Variants in KIRREL3 observed in about 807,000 individuals in gnomAD.
KIRREL3 encodes kirre like nephrin family adhesion molecule 3.
A neutral mutation model predicts 89.7 loss-of-function variants in KIRREL3; 36 were observed. The ratio of observed to expected loss-of-function variants is 0.40; its 90% CI spans 0.31 to 0.53. The LOEUF (loss-of-function observed/expected upper bound fraction) is 0.53. KIRREL3 is among the 20% of genes least tolerant of loss of function. The probability of loss-of-function intolerance (pLI) is 0.49; values close to 1 mark genes in which losing one functional copy is unlikely to be tolerated. For synonymous variants in KIRREL3, 445 were observed against 441.4 expected, an observed-to-expected ratio of 1.01 and a Z score of -0.10; for missense variants, 864 against 1,056.6, an observed-to-expected ratio of 0.82 and a Z score of 2.53.
At chr11:126,925,355 G>T (rs1947668422) in intron 1 of KIRREL3, among the ~76,000 whole-genome samples, 1 of 152,216 alleles carries the variant, frequency 6.6e-6, no homozygotes. Context: ...GCCTGTGGTG[G>T]CGGGGGGAGC....
rs1358697021 is a variant in KIRREL3, at chr11:126,495,136, G to T, written c.434-21670C>A. ...CCAAGGTCTGTTGCTCGGACCCTGG[G>T]CTGTGCTGTGTGTGGGGAAGGACTA... On this transcript the variant is annotated intron_variant, in intron 4 of 16. Transcript: ENST00000525144. This position sits in a 1 kb window ranked among gnomAD's most constrained non-coding sequence, Gnocchi z 6.5. 6.6e-6 allele frequency among the ~76,000 whole-genome samples: 1 copy of T among 152,212 alleles called. No homozygotes were observed.
At chr11:126,449,454 G>C (rs1341424102) in intron 7 of KIRREL3, among the ~76,000 whole-genome samples, 1 of 152,208 alleles carries the variant, frequency 6.6e-6, no homozygotes, top group African/African-American at 2.4e-5. Flanking sequence ...TACTCGGCTG[G>C]TCAGCCCATC....
chr11:126,950,888 G>C (rs1232668224), intron 1 of KIRREL3, among the ~76,000 whole-genome samples: 2 of 152,176 alleles, frequency 1.3e-5, no homozygotes, highest in Non-Finnish European at 2.9e-5. Context: ...CCAAATAAAG[G>C]GGAGTTTCTA....
chr11:126,960,819 A>T (rs558593934), intron 1 of KIRREL3, among the ~76,000 whole-genome samples: 1 of 152,170 alleles, frequency 6.6e-6, no homozygotes, highest in Non-Finnish European at 1.5e-5. Flanking sequence ...TACAGCTTGA[A>T]GGTTTGTGGC....
rs1425863110 is a variant in KIRREL3, at chr11:126,594,831, G to A, written c.56-31919C>T. ...GCCTCAGCGATGGAACCTGCATTTG[G>A]GAGCTGCTCGATCTTTTCTGTTAGC... is the stretch of plus-strand genomic sequence containing the variant. On this transcript the variant is annotated intron_variant, in intron 1 of 16. Transcript: ENST00000525144. This position sits in a 1 kb window ranked among gnomAD's most constrained non-coding sequence, Gnocchi z 5.0. Among the ~76,000 whole-genome samples the A allele has an allele frequency of 6.6e-6, 1 of 152,234 alleles. No individual in the cohort carries two copies. Among genetic ancestry groups the A allele is most frequent in the African/African-American group, 2.4e-5 (1 of 41,458 alleles).
rs943408738 is a variant in KIRREL3 at position 126,917,195 on chromosome 11, C to G, written c.55+83260G>C. ...AAATATTATGCTAAATCAAATGAACCAGACACAGAAGGATATATATTGTAC... is the reference window on the plus strand; with the variant it reads ...AAATATTATGCTAAATCAAATGAACGAGACACAGAAGGATATATATTGTAC... On this transcript the variant is annotated intron_variant, in intron 1 of 16. Transcript: ENST00000525144. The surrounding 1 kb of genome is among the most constrained non-coding windows in gnomAD (Gnocchi z 5.0). Among the ~76,000 whole-genome samples the G allele has an allele frequency of 6.6e-6, 1 of 152,026 alleles. No individual in the cohort carries two copies. The highest frequency in any genetic ancestry group is 6.5e-5 in the Admixed American group (1 of 15,268).
rs146280329 is a variant in KIRREL3, at chr11:126,995,477, C to T, written c.55+4978G>A. ...CACTGTTTTTCACCTAAGGTCATCT[C>T]GACAATTTACAAGGATAAGGATTGT... is the stretch of plus-strand genomic sequence containing the variant. On this transcript the variant is annotated intron_variant, in intron 1 of 16. Transcript: ENST00000525144. The surrounding 1 kb of genome is among the most constrained non-coding windows in gnomAD (Gnocchi z 6.5). 2.7e-3 allele frequency: 999 copies of T among 374,564 alleles called. 2 individuals are homozygous for T. Among genetic ancestry groups the T allele is most frequent in the Non-Finnish European group, 4.2e-3 (795 of 190,928 alleles). The allele number at this position is 374,564 out of a possible 1,614,324, so 23.2% of individuals were successfully genotyped here.
In KIRREL3 at chr11:126,752,196, C is replaced by T. The variant is rs1163702060; in HGVS notation, c.56-189284G>A. 2.0e-5 allele frequency among the ~76,000 whole-genome samples: 3 copies of T among 146,576 alleles called. No homozygotes were observed. The East Asian group carries it at 5.9e-4, about 29-fold the overall frequency. ...TATTGAAAGGATTTCCCAGGCTCAG[C>T]GTGGGTTGGTTGGGGGGGTTTCTTG... On this transcript the variant is annotated intron_variant, in intron 1 of 16. Coordinates refer to ENST00000525144, the MANE Select transcript of KIRREL3 (RefSeq NM_032531.4). This position sits in a 1 kb window ranked among gnomAD's most constrained non-coding sequence, Gnocchi z 4.8.
At position 126,522,496 on chromosome 11, in the gene KIRREL3, A is replaced by C. The variant is rs1233823728; in HGVS notation, c.284-1032T>G. Among the ~76,000 whole-genome samples, 1 of 152,166 alleles carries C rather than the reference A, an allele frequency of 6.6e-6. No individual in the cohort carries two copies. Among genetic ancestry groups the C allele is most frequent in the Non-Finnish European group, 1.5e-5 (1 of 68,024 alleles). ...CCAGGTCCTGGTGACGCACTTATGAAGTGCTCAGGACGCTTAAGAATTGGG... is the reference window on the plus strand; with the variant it reads ...CCAGGTCCTGGTGACGCACTTATGACGTGCTCAGGACGCTTAAGAATTGGG... On this transcript the variant is annotated intron_variant, in intron 3 of 16. Coordinates refer to ENST00000525144, the MANE Select transcript of KIRREL3 (RefSeq NM_032531.4). The surrounding 1 kb of genome is among the most constrained non-coding windows in gnomAD (Gnocchi z 6.0).
intron 1 of KIRREL3, among the ~76,000 whole-genome samples, chr11:126,842,215 C>T (rs1943986236): frequency 6.6e-6 from 1 of 152,206 alleles, no homozygotes; most frequent in Admixed American, 6.5e-5. Context: ...CTCAGGACAA[C>T]AGACAGAGAC....
chr11:126,844,453 C>T lies in KIRREL3; in HGVS notation c.55+156002G>A, dbSNP rs1344233528. On this transcript the variant is annotated intron_variant, in intron 1 of 16. Transcript: ENST00000525144. The surrounding 1 kb of genome is among the most constrained non-coding windows in gnomAD (Gnocchi z 4.8). ...CCAACCCAAAGGAAATAGACTGCAG[C>T]ACTGATTGGCAGATTTTGGGTAGGT... 6.6e-6 allele frequency among the ~76,000 whole-genome samples: 1 copy of T among 152,122 alleles called. No homozygotes were observed. The highest frequency in any genetic ancestry group is 1.9e-4 in the East Asian group (1 of 5,176).
At chr11:126,450,130 C>T (rs1351016147) in intron 7 of KIRREL3, among the ~76,000 whole-genome samples, 3 of 150,580 alleles carry the variant, frequency 2.0e-5, no homozygotes, top group Admixed American at 6.6e-5. Context: ...CGGAGCCTCA[C>T]AGGGGTGTAT....
At position 126,455,632 on chromosome 11, in the gene KIRREL3, C is replaced by A. The variant is rs1277060712; in HGVS notation, c.848+717G>T. 3.6e-4 allele frequency among the ~76,000 whole-genome samples: 51 copies of A among 142,980 alleles called. No homozygotes were observed. The highest frequency in any genetic ancestry group is 9.7e-4 in the African/African-American group (37 of 38,336). 93.8% of individuals were successfully genotyped at this position (142,980 alleles called of 152,430 possible). A position where few individuals can be genotyped will look rare whatever the true frequency, so the allele number is the denominator to read the frequency against. On this transcript the variant is annotated intron_variant, in intron 7 of 16. Coordinates refer to ENST00000525144, the MANE Select transcript of KIRREL3 (RefSeq NM_032531.4). This position sits in a 1 kb window ranked among gnomAD's most constrained non-coding sequence, Gnocchi z 6.4. ...TGAAACGCTGTCTCTACTAAAAATACAAAAAAAAAAAAAAATTAGCTGGCG... is the reference window on the plus strand; with the variant it reads ...TGAAACGCTGTCTCTACTAAAAATAAAAAAAAAAAAAAAAATTAGCTGGCG...
At position 126,566,352 on chromosome 11, in the gene KIRREL3, G is replaced by T. The variant is rs1347998406; in HGVS notation, c.56-3440C>A. On this transcript the variant is annotated intron_variant, in intron 1 of 16. Coordinates refer to ENST00000525144, the MANE Select transcript of KIRREL3 (RefSeq NM_032531.4). This position sits in a 1 kb window ranked among gnomAD's most constrained non-coding sequence, Gnocchi z 4.9. ...CACCCTTGGGAACTCCTGGCCTCTG[G>T]ACTCTGAGCAACTGAAGTGTCAGGA... Among the ~76,000 whole-genome samples, 1 of 152,178 alleles carries T rather than the reference G, an allele frequency of 6.6e-6. No individual in the cohort carries two copies. Among genetic ancestry groups the T allele is most frequent in the Non-Finnish European group, 1.5e-5 (1 of 68,026 alleles).
At chr11:126,855,671 G>C (rs1179955683) in intron 1 of KIRREL3, among the ~76,000 whole-genome samples, 1 of 152,236 alleles carries the variant, frequency 6.6e-6, no homozygotes, top group Non-Finnish European at 1.5e-5. Context: ...GATGGGGCAG[G>C]CTTGCCCATC....
At chr11:126,591,055 G>A (rs1014422662) in intron 1 of KIRREL3, among the ~76,000 whole-genome samples, 17 of 152,232 alleles carry the variant, frequency 1.1e-4, no homozygotes, top group South Asian at 2.1e-4. Context: ...GTAAAATTAC[G>A]TCTCTACTAA....
intron 1 of KIRREL3, among the ~76,000 whole-genome samples, chr11:126,679,877 G>A (rs1252937584): frequency 6.6e-6 from 1 of 152,170 alleles, no homozygotes; most frequent in Non-Finnish European, 1.5e-5. Context: ...AAGGGAAAAG[G>A]TCCCAGAGAG....
chr11:126,857,659 A>G (rs1044762894), intron 1 of KIRREL3, among the ~76,000 whole-genome samples: 1 of 151,910 alleles, frequency 6.6e-6, no homozygotes, highest in Non-Finnish European at 1.5e-5. Flanking sequence ...CAGAAGCAGC[A>G]TTTCCAGGAC....
At position 126,989,377 on chromosome 11, in the gene KIRREL3, G is replaced by A. The variant is rs1949959829; in HGVS notation, c.55+11078C>T. 3.3e-5 allele frequency among the ~76,000 whole-genome samples: 5 copies of A among 152,142 alleles called. No individual in the cohort carries two copies. Among genetic ancestry groups the A allele is most frequent in the Admixed American group, 3.3e-4 (5 of 15,284 alleles). Reference sequence around the variant, plus strand: ...AGCTCACCCTGATGCAGAGAGAGCGGCAAGGGACTCTGATGGTGAGTCAGC... The same window carrying A: ...AGCTCACCCTGATGCAGAGAGAGCGACAAGGGACTCTGATGGTGAGTCAGC... On this transcript the variant is annotated intron_variant, in intron 1 of 16. Coordinates refer to ENST00000525144, the MANE Select transcript of KIRREL3 (RefSeq NM_032531.4). This position sits in a 1 kb window ranked among gnomAD's most constrained non-coding sequence, Gnocchi z 6.2.
Sources: allele counts gnomAD v4.1 joint callset (sites outside exome capture counted in the v4.1 genomes callset), GRCh38; gene constraint gnomAD v4.1.1; non-coding constraint Gnocchi (gnomAD v3.1); transcripts MANE v1.5; gene names NCBI Gene and HGNC (gene_info 2026-07-23, HGNC 2026-07-21).